The following FAM20C variants were observed in gnomAD, a reference collection of about 807,000 sequenced individuals.
FAM20C encodes the protein FAM20C golgi associated secretory pathway kinase.
Under a neutral mutation model 51.5 loss-of-function variants are expected in FAM20C, and 40 were observed. The observed-to-expected ratio is 0.78, with a 90% CI of 0.60 to 1.01. The LOEUF is 1.01. Among genes scored for constraint, FAM20C ranks in the 50% least tolerant of loss-of-function variants. The probability of loss-of-function intolerance (pLI) is 0.00; values close to 1 mark genes in which losing one functional copy is unlikely to be tolerated. For synonymous variants in FAM20C, 406 were observed against 380.6 expected (o/e 1.07, Z -0.78); for missense variants, 861 against 844.7 (o/e 1.02, Z -0.24).
chr7:259,701 T>C (rs1264680168), intron 9 of FAM20C, 30 bp from the exon 10 acceptor site: 4 of 1,520,616 alleles, frequency 2.6e-6, no homozygotes, highest in Non-Finnish European at 2.6e-6. Context: ...CCCTGTCCCG[T>C]GCCAGGCCTG....
intron 3 of FAM20C, among the ~76,000 whole-genome samples, chr7:211,218 C>T (rs1562372190): frequency 1.3e-5 from 2 of 149,456 alleles, no homozygotes; most frequent in East Asian, 2.0e-4. Flanking sequence ...CCTCAGCCTC[C>T]CCTCGGACCT....
At position 248,588 on chromosome 7, in the gene FAM20C, G is replaced by A. The variant is rs182397396; in HGVS notation, c.1072+158G>A. Reference sequence around the variant, plus strand: ...TTCACCTCTCCAGGTAGCCTGGCACGGGGGGCCGCATTCATCTCTTCAGGT... The same window carrying A: ...TTCACCTCTCCAGGTAGCCTGGCACAGGGGGCCGCATTCATCTCTTCAGGT... On this transcript the variant is annotated intron_variant, in intron 5 of 9. Transcript: ENST00000313766. Among the ~76,000 whole-genome samples the A allele has an allele frequency of 4.5e-3, 653 of 144,730 alleles. 19 individuals are homozygous for A. Among genetic ancestry groups the A allele is most frequent in the African/African-American group, 0.016 (614 of 37,404 alleles). The allele number at this position is 144,730 out of a possible 152,430, so 94.9% of individuals were successfully genotyped here. A position where few individuals can be genotyped will look rare whatever the true frequency, so the allele number is the denominator to read the frequency against.
Position 248,370 on chromosome 7 carries a change from A to G in FAM20C, c.1012A>G (p.Lys338Glu). 1 of 1,537,192 alleles carries G rather than the reference A, an allele frequency of 6.5e-7. No individual in the cohort carries two copies. The highest frequency in any genetic ancestry group is 2.4e-5 in the East Asian group (1 of 40,920). The change falls in exon 5 of 10, where the codon AAG becomes GAG. Residue 338 changes from lysine (K) to glutamate (E), a missense_variant. Coordinates refer to ENST00000313766, the MANE Select transcript of FAM20C (RefSeq NM_020223.4). ...PVAGRMVNMT[K>E]EIRDVTRDKK... is the part of the protein sequence containing the mutation. Reference sequence around the variant, plus strand: ...GGCCGGCAGGATGGTCAACATGACCAAGGAGATCCGGGACGTCACACGGGA... The same window carrying G: ...GGCCGGCAGGATGGTCAACATGACCGAGGAGATCCGGGACGTCACACGGGA...
At chr7:249,617 G>A (rs985441265) in intron 5 of FAM20C, among the ~76,000 whole-genome samples, 6 of 152,188 alleles carry the variant, frequency 3.9e-5, no homozygotes, top group Non-Finnish European at 7.3e-5. Flanking sequence ...GCGCTTATCT[G>A]TGGTCCCAGC....
intron 3 of FAM20C, among the ~76,000 whole-genome samples, chr7:216,631 GAGTGTGTGT>G: frequency 7.5e-6 from 1 of 132,940 alleles, no homozygotes; most frequent in African/African-American, 3.7e-5. Flanking sequence ...GAGTGTGTGT[GAGTGTGTGT>G]GAGTGTGTGT....
chr7:219,635 C>G (rs1787161959), intron 3 of FAM20C, among the ~76,000 whole-genome samples: 1 of 152,188 alleles, frequency 6.6e-6, no homozygotes, highest in Non-Finnish European at 1.5e-5. Flanking sequence ...GCCAAGAGGA[C>G]TGTCCAGCAG....
chr7:212,458 G>A (rs541138622), intron 3 of FAM20C, among the ~76,000 whole-genome samples: 40 of 151,992 alleles, frequency 2.6e-4, no homozygotes, highest in Middle Eastern at 3.4e-3. Flanking sequence ...ACAAGACTCC[G>A]TCTCAAAAAA....
At chr7:257,860 C>T (rs1465620152) in intron 8 of FAM20C, among the ~76,000 whole-genome samples, 9 of 60,688 alleles carry the variant, frequency 1.5e-4, no homozygotes, top group East Asian at 7.3e-4. Context: ...GCCTGGGGTG[C>T]TGGAGATGGG....
In FAM20C at chr7:259,926, C is replaced by T. The variant is rs1183785899; in HGVS notation, c.1701C>T (p.His567=). 2.6e-6 allele frequency: 4 copies of T among 1,533,302 alleles called. No individual in the cohort carries two copies. The highest frequency in any genetic ancestry group is 3.5e-6 in the Non-Finnish European group (4 of 1,144,496). The allele number at this position is 1,533,302 out of a possible 1,614,324, so 95.0% of individuals were successfully genotyped here. ...VRDCVERNGL[H]SVVDDDLDTE... ...ACTGCGTGGAGAGGAACGGGCTCCA[C>T]AGCGTGGTGGATGACGACCTGGACA... is the stretch of plus-strand genomic sequence containing the variant. Residue 567 remains histidine (H), a synonymous_variant, in exon 10 of 10, where the codon CAC becomes CAT. Transcript: ENST00000313766.
intron 3 of FAM20C, among the ~76,000 whole-genome samples, chr7:231,908 TG>T (rs1787704445): frequency 6.6e-6 from 1 of 152,156 alleles, no homozygotes; most frequent in South Asian, 2.1e-4. Context: ...TCCTCTGTGC[TG>T]AGCAGGACAC....
intron 3 of FAM20C, among the ~76,000 whole-genome samples, chr7:214,188 G>C (rs1244690702): frequency 6.6e-6 from 1 of 152,080 alleles, no homozygotes; most frequent in Non-Finnish European, 1.5e-5. Context: ...AGCTGGGCGT[G>C]GTGATGCATG....
chr7:193,638 C>T lies in FAM20C; in HGVS notation c.439C>T (p.Arg147Trp). Residue 147 changes from arginine (R) to tryptophan (W), a missense_variant, in exon 1 of 10, where the codon CGG becomes TGG. This residue lies in a region of FAM20C where 561 missense variants were observed against 499.8 expected (regional missense o/e 1.12). Transcript: ENST00000313766. Reference sequence around the variant, plus strand: ...GCTGCTGCGAGACCCCGGCCCGCGTCGGTCCGAGTCGCCCCCCGGCCCCGG... The same window carrying T: ...GCTGCTGCGAGACCCCGGCCCGCGTTGGTCCGAGTCGCCCCCCGGCCCCGG... ...RPLLRDPGPR[R>W]SESPPGPGGD... 3 of 1,539,462 alleles carry T rather than the reference C, an allele frequency of 1.9e-6. No homozygotes were observed. The highest frequency in any genetic ancestry group is 1.9e-4 in the Middle Eastern group (1 of 5,242).
At chr7:219,334 ACCCAGCCCAGGACAGCAACG>A (rs1284906161) in intron 3 of FAM20C, among the ~76,000 whole-genome samples, 18 of 149,558 alleles carry the variant, frequency 1.2e-4, no homozygotes, top group African/African-American at 1.8e-4. Flanking sequence ...AGTGAAGGAC[ACCCAGCCCAGGACAGCAACG>A]CCCAGCCCAG....
intron 3 of FAM20C, among the ~76,000 whole-genome samples, chr7:222,200 C>A (rs1458304352): frequency 1.3e-5 from 2 of 152,112 alleles, no homozygotes; most frequent in East Asian, 3.9e-4. Flanking sequence ...TCCAGGGCAG[C>A]TGTGCTGTTG....
chr7:240,518 G>T (rs1356297575), intron 3 of FAM20C, among the ~76,000 whole-genome samples: 2 of 150,566 alleles, frequency 1.3e-5, no homozygotes, highest in Non-Finnish European at 3.0e-5. Flanking sequence ...ATGATGATGT[G>T]GAGGTGATGG....
chr7:255,766 G>A (rs1242467568), intron 5 of FAM20C, 83 bp from the exon 6 acceptor site: 127 of 1,464,824 alleles, frequency 8.7e-5, no homozygotes, highest in African/African-American at 1.1e-4. Flanking sequence ...GGCAGAGCCC[G>A]GCCCGGCCTT....
intron 3 of FAM20C, among the ~76,000 whole-genome samples, chr7:211,197 C>G: frequency 6.7e-6 from 1 of 148,398 alleles, no homozygotes; most frequent in African/African-American, 2.5e-5. Flanking sequence ...CCCTCAGCCT[C>G]CTCCAACCTC....
chr7:202,944 A>G (rs1026191864), intron 2 of FAM20C, among the ~76,000 whole-genome samples: 3 of 152,190 alleles, frequency 2.0e-5, no homozygotes, highest in East Asian at 1.9e-4. Flanking sequence ...TGCACTGGGA[A>G]TTGGGGCCTA....
At chr7:213,795 T>A (rs949317998) in intron 3 of FAM20C, among the ~76,000 whole-genome samples, 1 of 152,136 alleles carries the variant, frequency 6.6e-6, no homozygotes, top group Non-Finnish European at 1.5e-5. Context: ...GTTCCCGGGT[T>A]CCAGTTTCTC....
Sources: allele counts gnomAD v4.1 joint callset (sites outside exome capture counted in the v4.1 genomes callset), GRCh38; gene constraint gnomAD v4.1.1; regional missense constraint gnomAD v4.1.1; transcripts MANE v1.5; gene names NCBI Gene and HGNC (gene_info 2026-07-23, HGNC 2026-07-21).